SLFN13: variants seen among roughly 807,000 people sequenced by gnomAD.
The protein encoded by SLFN13 is schlafen-13.
A neutral mutation model predicts 50.6 loss-of-function variants in SLFN13; 43 were observed. The observed-to-expected ratio is 0.85, with a 90% CI of 0.67 to 1.09. SLFN13 has a LOEUF of 1.09. SLFN13 is among the 50% of genes least tolerant of loss of function. The probability of loss-of-function intolerance (pLI) is 0.00; values close to 1 mark genes in which losing one functional copy is unlikely to be tolerated. For missense variants in SLFN13, 881 were observed against 1,071.1 expected, an observed-to-expected ratio of 0.82 and a Z score of 2.48; for synonymous variants, 339 against 386.5, an observed-to-expected ratio of 0.88 and a Z score of 1.44.
chr17:35,444,406 C>A (rs1351098258), intron 3 of SLFN13, among the ~76,000 whole-genome samples: 2 of 152,178 alleles, frequency 1.3e-5, no homozygotes, highest in Admixed American at 1.3e-4. Context: ...TTTTCCTTTG[C>A]TTCTTCTTTT....
chr17:35,445,647 G>A lies in SLFN13; in HGVS notation c.34C>T (p.Pro12Ser). Residue 12 changes from proline (P) to serine (S), a missense_variant, in exon 3 of 6, where the codon CCA (proline) becomes TCA (serine). Physicochemically the swap from Pro to Ser is moderately conservative, Grantham distance 74. This residue lies in a region of SLFN13 where 497 missense variants were observed against 518.3 expected (regional missense o/e 0.96). Transcript: ENST00000285013. ...EANHCSLGVY[P>S]SYPDLVIDVG... ...TCGATGACCAGGTCTGGGTAAGATG[G>A]ATACACACCCAGGGAGCAGTGATTT... 2 of 1,613,520 alleles carry A rather than the reference G, an allele frequency of 1.2e-6. No homozygotes were observed. The highest frequency in any genetic ancestry group is 1.7e-6 in the Non-Finnish European group (2 of 1,179,688).
chr17:35,444,670 G>A lies in SLFN13; in HGVS notation c.1011C>T (p.Tyr337=), dbSNP rs1238746578. The part of the protein sequence containing the change: ...APKSWMVREK[Y]IRPLTTEEWV... ...ATTCCTCAGTTGTCAAGGGGCGGAT[G>A]TACTTCTCCCTCACCATCCATGACT... The change falls in exon 3 of 6, where the codon TAC becomes TAT. Residue 337 remains tyrosine, a synonymous_variant. Transcript: ENST00000285013. The A allele has an allele frequency of 1.9e-6, 3 of 1,614,206 alleles. No individual in the cohort carries two copies. The highest frequency in any genetic ancestry group is 1.1e-5 in the South Asian group (1 of 91,086).
Position 35,440,540 on chromosome 17 carries a change from T to A in SLFN13, c.*55A>T, listed in dbSNP as rs1013612311. On this transcript the variant is annotated 3_prime_UTR_variant, in exon 6 of 6. Coordinates refer to ENST00000285013, the MANE Select transcript of SLFN13 (RefSeq NM_144682.6). ...AAAGGTTTCTACCATCAGCAGACTG[T>A]CACCCATAGACATTTACACAGTATT... 6.3e-7 allele frequency: 1 copy of A among 1,578,180 alleles called. No homozygotes were observed. Among genetic ancestry groups the A allele is most frequent in the Non-Finnish European group, 8.7e-7 (1 of 1,155,490 alleles).
rs1166206824 is a variant in SLFN13 at position 35,441,118 on chromosome 17, C to A, written c.2171G>T (p.Arg724Ile). 7 of 1,613,956 alleles carry A rather than the reference C, an allele frequency of 4.3e-6. No individual in the cohort carries two copies. Among genetic ancestry groups the A allele is most frequent in the African/African-American group, 2.7e-5 (2 of 74,914 alleles). Residue 724 changes from arginine to isoleucine, a missense_variant, in exon 6 of 6, where the codon AGA becomes ATA. Arg to Ile is a moderately conservative substitution (Grantham distance 97, BLOSUM62 -3). Around this residue, in one of 5 missense-constraint regions of SLFN13, gnomAD observed 322 missense variants for 327.4 expected, o/e 0.98. Transcript: ENST00000285013. ...GCGAACTACTCTGGTGAGCTCTTCT[C>A]TTGGATACTGTGCTGAGAGAGGGGG... ...GLPPLSAQYP[R>I]EELTRVVRNA...
At position 35,441,808 on chromosome 17, in the gene SLFN13, G is replaced by C. The variant is rs764700107; in HGVS notation, c.1677C>G (p.Leu559=). ...ALLQSLVIVL[L]GFRSLLSDQL... ...GGTCACTCAAGAGAGACCTGAAGCC[G>C]AGTAAGACAATCACGAGGGACTGCA... The change falls in exon 5 of 6, where the codon CTC becomes CTG. Residue 559 remains leucine, a synonymous_variant. Transcript: ENST00000285013. The C allele has an allele frequency of 1.3e-6, 2 of 1,506,178 alleles. No homozygotes were observed. Among genetic ancestry groups the C allele is most frequent in the Non-Finnish European group, 1.8e-6 (2 of 1,122,886 alleles). The allele number at this position is 1,506,178 out of a possible 1,614,324, so 93.3% of individuals were successfully genotyped here. A position where few individuals can be genotyped will look rare whatever the true frequency, so the allele number is the denominator to read the frequency against.
At chr17:35,447,885 GTT>G (rs779821139) in intron 1 of SLFN13, among the ~76,000 whole-genome samples, 2 of 146,176 alleles carry the variant, frequency 1.4e-5, no homozygotes, top group African/African-American at 5.2e-5. Context: ...GTTTTGTTTT[GTT>G]TTGTTTTTGT....
Position 35,438,157 on chromosome 17 carries a change from T to A in SLFN13, c.*2438A>T, listed in dbSNP as rs1912694064. 2 of 151,954 alleles carry A rather than the reference T, an allele frequency of 1.3e-5. No homozygotes were observed. Among genetic ancestry groups the A allele is most frequent in the South Asian group, 4.1e-4 (2 of 4,828 alleles). 9.4% of individuals were successfully genotyped at this position (151,954 alleles called of 1,614,324 possible). On this transcript the variant is annotated 3_prime_UTR_variant, in exon 6 of 6. Coordinates refer to ENST00000285013, the MANE Select transcript of SLFN13 (RefSeq NM_144682.6). ...CAGTTAATCTTGCTTAATCTTTTAC[T>A]GGCTCATTTTTGGCTGTATCATGGA... is the stretch of plus-strand genomic sequence containing the variant.
Position 35,441,232 on chromosome 17 carries a change from G to T in SLFN13, c.2057C>A (p.Thr686Asn), listed in dbSNP as rs571498810. Residue 686 changes from threonine to asparagine, a missense_variant, in exon 6 of 6, where the codon ACC becomes AAC. Thr to Asn is a moderately conservative substitution (Grantham distance 65). Transcript: ENST00000285013. ...EDGDWYRKAK[T>N]ITQREKDCPG... The stretch of plus-strand genomic sequence containing the variant: ...ACAATCCTTTTCTCTCTGAGTGATG[G>T]TTTTTGCCTTCCTATACCAGTCCCC... 1 of 1,613,932 alleles carries T rather than the reference G, an allele frequency of 6.2e-7. No homozygotes were observed. The highest frequency in any genetic ancestry group is 1.1e-5 in the South Asian group (1 of 91,084).
Position 35,441,259 on chromosome 17 carries a change from T to A in SLFN13, c.2030A>T (p.Asp677Val), listed in dbSNP as rs757317547. The A allele has an allele frequency of 4.1e-5, 66 of 1,613,970 alleles. 2 individuals are homozygous for A. The highest frequency in any genetic ancestry group is 8.3e-5 in the Admixed American group (5 of 60,006). The change falls in exon 6 of 6, where the codon GAT becomes GTT. Residue 677 changes from aspartate (D) to valine (V), a missense_variant. By Grantham distance (152) the Asp-to-Val change is radical. This residue lies in a region of SLFN13 where 322 missense variants were observed against 327.4 expected (regional missense o/e 0.98). Transcript: ENST00000285013. ...IDEAQNFRTE[D>V]GDWYRKAKTI... ...TTTTGCCTTCCTATACCAGTCCCCA[T>A]CTTCAGTACGGAAATTCTGAGCTTC... is the stretch of plus-strand genomic sequence containing the variant.
chr17:35,440,482 T>C lies in SLFN13; in HGVS notation c.*113A>G, dbSNP rs999818940. ...CTCCAAACTCTTTGTGTCAGCTCTG[T>C]CCAAATCTCTAACTGACTTGTGAAC... On this transcript the variant is annotated 3_prime_UTR_variant, in exon 6 of 6. Coordinates refer to ENST00000285013, the MANE Select transcript of SLFN13 (RefSeq NM_144682.6). 6.8e-6 allele frequency: 9 copies of C among 1,314,452 alleles called. No homozygotes were observed. The African/African-American group carries it at 1.3e-4, about 19-fold the overall frequency. 81.4% of individuals were successfully genotyped at this position (1,314,452 alleles called of 1,614,324 possible). A position where few individuals can be genotyped will look rare whatever the true frequency, so the allele number is the denominator to read the frequency against.
Position 35,441,142 on chromosome 17 carries a change from G to A in SLFN13, c.2147C>T (p.Pro716Leu). ...QTSHLGHSGL[P>L]PLSAQYPREE... is the part of the protein sequence containing the mutation. ...TCTTGGATACTGTGCTGAGAGAGGG[G>A]GAAGGCCACTGTGACCCAAGTGACT... Residue 716 changes from proline (P) to leucine (L), a missense_variant, in exon 6 of 6, where the codon CCC becomes CTC. Pro to Leu is a moderately conservative substitution (Grantham distance 98, BLOSUM62 -3). Coordinates refer to ENST00000285013, the MANE Select transcript of SLFN13 (RefSeq NM_144682.6). 6.2e-7 allele frequency: 1 copy of A among 1,614,030 alleles called. No individual in the cohort carries two copies.
At chr17:35,448,057 T>TTAC (rs1340832794) in intron 1 of SLFN13, among the ~76,000 whole-genome samples, 45 of 150,314 alleles carry the variant, frequency 3.0e-4, no homozygotes, top group African/African-American at 1.1e-3. Context: ...ATTATTATTA[T>TTAC]TATTATTCAT....
rs751987376 is a variant in SLFN13, at chr17:35,441,370, T to TA, written c.1923-5dup. On this transcript the variant is annotated splice_region_variant and splice_polypyrimidine_tract_variant and intron_variant, in intron 5 of 5. Coordinates refer to ENST00000285013, the MANE Select transcript of SLFN13 (RefSeq NM_144682.6). ...TGCTCGGCAGATATTTCTATCACTG[T>TA]AAAAATTAAAAGAATACACTCAGGT... The TA allele has an allele frequency of 3.8e-6, 6 of 1,588,264 alleles. No homozygotes were observed. Among genetic ancestry groups the TA allele is most frequent in the Non-Finnish European group, 5.1e-6 (6 of 1,171,352 alleles).
In SLFN13 at chr17:35,443,836, T is replaced by G. The variant is rs751488805; in HGVS notation, c.1151A>C (p.Lys384Thr). The G allele has an allele frequency of 1.9e-6, 3 of 1,613,542 alleles. No individual in the cohort carries two copies. The highest frequency in any genetic ancestry group is 2.5e-6 in the Non-Finnish European group (3 of 1,179,540). The part of the protein sequence containing the change: ...SPSLCRPVYS[K>T]KGLEHKADLQ... ...ATCAGCTTTGTGTTCCAGACCTTTC[T>G]TAGAATACACTGGTCTGCAAAGTGA... The change falls in exon 4 of 6, where the codon AAG becomes ACG. Residue 384 changes from lysine (K) to threonine (T), a missense_variant. By Grantham distance (78) the Lys-to-Thr change is moderately conservative. This residue lies in a region of SLFN13 where 497 missense variants were observed against 518.3 expected (regional missense o/e 0.96). Coordinates refer to ENST00000285013, the MANE Select transcript of SLFN13 (RefSeq NM_144682.6).
rs577598645 is a variant in SLFN13, at chr17:35,446,441, G to A, written c.-13-748C>T. ...AGGGGCTAAGGTCTTGGAGAACAGA[G>A]TCAATGAAGATGGCTTGAATTCCAG... is the stretch of plus-strand genomic sequence containing the variant. On this transcript the variant is annotated intron_variant, in intron 2 of 5. Transcript: ENST00000285013. 2.6e-5 allele frequency among the ~76,000 whole-genome samples: 4 copies of A among 152,302 alleles called. No homozygotes were observed. In the East Asian group the frequency reaches 7.7e-4, roughly 29 times the overall value.
rs1306439184 is a variant in SLFN13 at position 35,435,096 on chromosome 17, G to C, written c.*5499C>G. ...AGTGAGCAGAGTAAAAACATTCACA[G>C]AACTTTTAAATTATGTTTTTATTAA... On this transcript the variant is annotated 3_prime_UTR_variant, in exon 6 of 6. Coordinates refer to ENST00000285013, the MANE Select transcript of SLFN13 (RefSeq NM_144682.6). 1 of 151,928 alleles carries C rather than the reference G, an allele frequency of 6.6e-6. No homozygotes were observed. The highest frequency in any genetic ancestry group is 1.5e-5 in the Non-Finnish European group (1 of 67,978). 9.4% of individuals were successfully genotyped at this position (151,928 alleles called of 1,614,324 possible).
intron 4 of SLFN13, among the ~76,000 whole-genome samples, 186 bp from the exon 5 acceptor site, chr17:35,442,472 C>T (rs1208519777): frequency 2.0e-5 from 3 of 152,212 alleles, no homozygotes; most frequent in Non-Finnish European, 4.4e-5. Flanking sequence ...GAGACGGAGT[C>T]TCGCTCTGTC....
chr17:35,440,923 ACTATTTG>A lies in SLFN13; in HGVS notation c.2359_2365del (p.Gln787Ter). ...CCTGCAGGTGTCTGCCACATAGGTC[ACTATTTG>A]CTCCAAAGTAAAGTTTTTAATAATC... On this transcript the variant is annotated frameshift_variant, in exon 6 of 6. Coordinates refer to ENST00000285013, the MANE Select transcript of SLFN13 (RefSeq NM_144682.6). LOFTEE classifies it low-confidence loss of function (END_TRUNC). The A allele has an allele frequency of 1.2e-6, 2 of 1,614,032 alleles. No homozygotes were observed. The highest frequency in any genetic ancestry group is 1.7e-6 in the Non-Finnish European group (2 of 1,180,024).
In SLFN13 at chr17:35,441,968, C is replaced by G. The variant is rs1023197630; in HGVS notation, c.1517G>C (p.Gly506Ala). Residue 506 changes from glycine to alanine, a missense_variant, in exon 5 of 6, where the codon GGG (glycine) becomes GCG (alanine). Physicochemically the swap from Gly to Ala is moderately conservative, Grantham distance 60. Transcript: ENST00000285013. ...QKLVNMGGYTGKVCVRAKVLC... is the reference protein window; with the variant it reads ...QKLVNMGGYTAKVCVRAKVLC... ...GACCTTGGCCCTGACACACACCTTC[C>G]CGGTGTAGCCCCCCATGTTCACTAG... 6.2e-6 allele frequency: 10 copies of G among 1,613,974 alleles called. No individual in the cohort carries two copies. Among genetic ancestry groups the G allele is most frequent in the Admixed American group, 1.7e-5 (1 of 60,022 alleles).
Sources: allele counts gnomAD v4.1 joint callset (sites outside exome capture counted in the v4.1 genomes callset), GRCh38; gene constraint gnomAD v4.1.1; regional missense constraint gnomAD v4.1.1; transcripts MANE v1.5; gene names NCBI Gene and HGNC (gene_info 2026-07-23, HGNC 2026-07-21).